Variants in MECOM observed in about 807,000 individuals in gnomAD.
MECOM encodes the protein histone-lysine N-methyltransferase MECOM.
MECOM carries 13 observed loss-of-function variants against 116.3 expected under a neutral mutation model. The ratio of observed to expected loss-of-function variants is 0.11; its 90% CI spans 0.07 to 0.18. The LOEUF (loss-of-function observed/expected upper bound fraction) is 0.18, where lower values mean the gene tolerates loss of function less well. Ranked by LOEUF, MECOM falls within the 10% of genes least tolerant of loss-of-function variation. The pLI is 1.00. For missense variants in MECOM, 1,299 were observed against 1,509.0 expected, an observed-to-expected ratio of 0.86 and a Z score of 2.31; for synonymous variants, 528 against 535.2, an observed-to-expected ratio of 0.99 and a Z score of 0.19.
intron 2 of MECOM, among the ~76,000 whole-genome samples, chr3:169,279,365 T>C (rs1261854133): frequency 6.6e-6 from 1 of 152,164 alleles, no homozygotes; most frequent in East Asian, 1.9e-4. Flanking sequence ...ATTCCCCTCC[T>C]TCCCCCCACT....
intron 1 of MECOM, among the ~76,000 whole-genome samples, chr3:169,395,906 G>A (rs961266067): frequency 6.6e-6 from 1 of 152,064 alleles, no homozygotes; most frequent in Non-Finnish European, 1.5e-5. Context: ...CTGGTACATA[G>A]CAAAGGTTCA....
intron 1 of MECOM, among the ~76,000 whole-genome samples, chr3:169,460,123 T>G (rs1274161932): frequency 3.9e-5 from 6 of 152,024 alleles, no homozygotes; most frequent in Non-Finnish European, 5.9e-5. Flanking sequence ...GATCTCAGAC[T>G]CCCACGTCCT....
rs1560554201 is a variant in MECOM at position 169,663,520 on chromosome 3, CT to C, written c.-149del. ...TCTCTCTCTCTCTCTCTCTCTCTCT[CT>C]CTCTCTCTCCCTCCCTCCTGTTTCT... On this transcript the variant is annotated 5_prime_UTR_variant, in exon 1 of 17. Transcript: ENST00000651503. The C allele has an allele frequency of 2.5e-4, 165 of 668,980 alleles. No homozygotes were observed. The highest frequency in any genetic ancestry group is 3.5e-4 in the Non-Finnish European group (132 of 380,372). 41.4% of individuals were successfully genotyped at this position (668,980 alleles called of 1,614,324 possible). A position where few individuals can be genotyped will look rare whatever the true frequency, so the allele number is the denominator to read the frequency against.
At chr3:169,164,060 C>T (rs1204486392) in intron 2 of MECOM, among the ~76,000 whole-genome samples, 3 of 152,064 alleles carry the variant, frequency 2.0e-5, no homozygotes. Flanking sequence ...GCTATTTTTT[C>T]AATTAGCTTC....
At chr3:169,196,937 A>AT (rs1193110217) in intron 2 of MECOM, among the ~76,000 whole-genome samples, 1 of 152,096 alleles carries the variant, frequency 6.6e-6, no homozygotes, top group Non-Finnish European at 1.5e-5. Flanking sequence ...AGTGGACTAG[A>AT]TAAAGAAATT....
chr3:169,267,555 G>C (rs1289612787), intron 2 of MECOM, among the ~76,000 whole-genome samples: 1 of 152,106 alleles, frequency 6.6e-6, no homozygotes, highest in Non-Finnish European at 1.5e-5. Flanking sequence ...TGGGCAGTAG[G>C]TAATAAAGTA....
At chr3:169,102,688 G>T (rs987860883) in intron 10 of MECOM, among the ~76,000 whole-genome samples, 8 of 152,244 alleles carry the variant, frequency 5.3e-5, no homozygotes, top group African/African-American at 1.9e-4. Flanking sequence ...GGGAGAACAT[G>T]AAGTATTACA....
intron 2 of MECOM, among the ~76,000 whole-genome samples, chr3:169,149,935 CTGTGTGTGTGTGTGTGTGTGTG>C (rs58944452): frequency 6.9e-5 from 9 of 131,238 alleles, no homozygotes. Flanking sequence ...TTCTCTCTCT[CTGTGTGTGTGTGTGTGTGTGTG>C]TGTGTGTGTG....
intron 5 of MECOM, among the ~76,000 whole-genome samples, chr3:169,126,491 CT>C (rs1298438535): frequency 1.3e-5 from 2 of 151,858 alleles, no homozygotes; most frequent in African/African-American, 4.8e-5. Flanking sequence ...CATGCTGTGG[CT>C]TTTTTATTAC....
intron 2 of MECOM, among the ~76,000 whole-genome samples, chr3:169,241,572 T>C (rs1754816002): frequency 6.6e-6 from 1 of 151,660 alleles, no homozygotes; most frequent in African/African-American, 2.4e-5. Context: ...TGGAGAAAAA[T>C]TATCTACACA....
intron 1 of MECOM, among the ~76,000 whole-genome samples, chr3:169,617,659 T>C (rs1370218001): frequency 6.6e-6 from 1 of 152,188 alleles, no homozygotes; most frequent in African/African-American, 2.4e-5. Flanking sequence ...GCCTTTGGTT[T>C]TTCTCTTCTT....
Position 169,663,527 on chromosome 3 carries a change from T to C in MECOM, c.-155A>G, listed in dbSNP as rs547044910. 3.4e-4 allele frequency: 179 copies of C among 523,632 alleles called. No individual in the cohort carries two copies. The highest frequency in any genetic ancestry group is 7.2e-4 in the African/African-American group (29 of 40,448). 32.4% of individuals were successfully genotyped at this position (523,632 alleles called of 1,614,324 possible). ...CTCTCTCTCTCTCTCTCTCTCTCTC[T>C]CTCCCTCCCTCCTGTTTCTCTCCTG... On this transcript the variant is annotated 5_prime_UTR_variant, in exon 1 of 17. Transcript: ENST00000651503.
intron 1 of MECOM, among the ~76,000 whole-genome samples, chr3:169,506,989 T>C (rs1361946804): frequency 1.3e-5 from 2 of 152,238 alleles, no homozygotes; most frequent in Non-Finnish European, 2.9e-5. Context: ...TATTTCAGTC[T>C]CGTCCTTCAT....
At chr3:169,111,444 T>C (rs974233644) in intron 9 of MECOM, among the ~76,000 whole-genome samples, 1 of 152,152 alleles carries the variant, frequency 6.6e-6, no homozygotes, top group Non-Finnish European at 1.5e-5. Flanking sequence ...TTGTACAATA[T>C]CTGACACAAA....
chr3:169,367,831 T>A (rs1435510583), intron 2 of MECOM, among the ~76,000 whole-genome samples: 1 of 151,990 alleles, frequency 6.6e-6, no homozygotes, highest in East Asian at 1.9e-4. Flanking sequence ...TTGAAGCTGA[T>A]TGTCTGGTTC....
chr3:169,109,915 C>T (rs1463176496), intron 9 of MECOM, among the ~76,000 whole-genome samples: 5 of 152,020 alleles, frequency 3.3e-5, no homozygotes, highest in African/African-American at 1.2e-4. Context: ...ACCAGACTTG[C>T]CCAGAGAATA....
intron 2 of MECOM, among the ~76,000 whole-genome samples, chr3:169,167,139 T>A (rs1743719555): frequency 1.3e-5 from 2 of 152,202 alleles, no homozygotes. Context: ...CGTGTCTGGC[T>A]AATTTTTAAA....
rs924984624 is a variant in MECOM at position 169,083,612 on chromosome 3, G to C, written c.*1297C>G. On this transcript the variant is annotated 3_prime_UTR_variant, in exon 17 of 17. Transcript: ENST00000651503. The stretch of plus-strand genomic sequence containing the variant: ...GCATTTGAAGAAAGTACCTCAACTT[G>C]CTGATTATTTCAAAATGAGATTACA... 1.5e-5 allele frequency: 3 copies of C among 194,562 alleles called. No individual in the cohort carries two copies. Among genetic ancestry groups the C allele is most frequent in the African/African-American group, 6.9e-5 (3 of 43,226 alleles). The allele number at this position is 194,562 out of a possible 1,614,324, so 12.1% of individuals were successfully genotyped here.
intron 2 of MECOM, among the ~76,000 whole-genome samples, chr3:169,342,975 G>A (rs892110357): frequency 2.0e-5 from 3 of 152,104 alleles, no homozygotes; most frequent in South Asian, 4.1e-4. Flanking sequence ...AACTTGCAAA[G>A]ATTGTGTCCT....
Sources: allele counts gnomAD v4.1 joint callset (sites outside exome capture counted in the v4.1 genomes callset), GRCh38; gene constraint gnomAD v4.1.1; transcripts MANE v1.5; gene names NCBI Gene and HGNC (gene_info 2026-07-23, HGNC 2026-07-21).